The following SYT12 variants were observed in gnomAD, a reference collection of about 807,000 sequenced individuals.
The protein encoded by SYT12 is synaptotagmin 12, also known as synaptotagmin-12.
In SYT12, 27 loss-of-function variants were observed where a neutral mutation model predicts 39.5. That is an observed-to-expected ratio of 0.68 (90% confidence interval 0.50 to 0.94). The LOEUF (loss-of-function observed/expected upper bound fraction) is 0.94. SYT12 is among the 40% of genes least tolerant of loss of function. The probability of loss-of-function intolerance (pLI) is 0.00; values close to 1 mark genes in which losing one functional copy is unlikely to be tolerated. For missense variants in SYT12, 536 were observed against 572.6 expected, an observed-to-expected ratio of 0.94 and a Z score of 0.65; for synonymous variants, 233 against 239.7, an observed-to-expected ratio of 0.97 and a Z score of 0.26.
At chr11:67,035,796 TCC>T (rs1565337216) in intron 3 of SYT12, among the ~76,000 whole-genome samples, 1,705 of 47,320 alleles carry the variant, frequency 0.036, 96 homozygotes, top group African/African-American at 0.12. Context: ...TTTCTTTCCT[TCC>T]TTCCTTCCTT....
At chr11:67,011,389 C>T (rs949518108) in intron 3 of SYT12, among the ~76,000 whole-genome samples, 3 of 152,012 alleles carry the variant, frequency 2.0e-5, no homozygotes, top group African/African-American at 4.8e-5. Flanking sequence ...ATTACAGGCG[C>T]GTGCCACCAT....
intron 3 of SYT12, among the ~76,000 whole-genome samples, chr11:67,015,992 A>T (rs1247782603): frequency 6.6e-6 from 1 of 152,090 alleles, no homozygotes; most frequent in Admixed American, 6.6e-5. Flanking sequence ...CGAAAAGATG[A>T]TGGGAGGGCC....
intron 3 of SYT12, among the ~76,000 whole-genome samples, chr11:67,036,860 G>A (rs1400260110): frequency 1.3e-5 from 2 of 152,122 alleles, no homozygotes; most frequent in African/African-American, 2.4e-5. Flanking sequence ...GATCACCTGA[G>A]GTCGTGAGTT....
At chr11:67,017,423 G>A (rs1197444083) in intron 3 of SYT12, among the ~76,000 whole-genome samples, 8 of 150,994 alleles carry the variant, frequency 5.3e-5, no homozygotes, top group East Asian at 2.0e-4. Flanking sequence ...GCAGTAGTGC[G>A]AACTAGGCTC....
chr11:67,025,267 C>A (rs570727698), intron 1 of SYT12, among the ~76,000 whole-genome samples: 2 of 152,342 alleles, frequency 1.3e-5, no homozygotes, highest in Non-Finnish European at 2.9e-5. Flanking sequence ...CATGTTATGT[C>A]CACATGCATG....
At chr11:67,038,064 G>T (rs1950418008) in intron 3 of SYT12, among the ~76,000 whole-genome samples, 1 of 151,184 alleles carries the variant, frequency 6.6e-6, no homozygotes. Context: ...AAAAATTATG[G>T]TAATGAAGGC....
rs370502227 is a variant in SYT12 at position 67,034,767 on chromosome 11, C to G, written c.157C>G (p.Pro53Ala). ...WTSGSFPSPS[P>A]FPNYDYRYLQ... Reference sequence around the variant, plus strand: ...GTCGGGGAGCTTCCCCAGCCCCTCTCCGTTCCCCAATTACGACTACAGGTA... The same window carrying G: ...GTCGGGGAGCTTCCCCAGCCCCTCTGCGTTCCCCAATTACGACTACAGGTA... The change falls in exon 3 of 8, where the codon CCG becomes GCG. Residue 53 changes from proline (P) to alanine (A), a missense_variant. Transcript: ENST00000527043. The G allele has an allele frequency of 5.6e-6, 9 of 1,603,216 alleles. No homozygotes were observed. The highest frequency in any genetic ancestry group is 6.8e-6 in the Non-Finnish European group (8 of 1,176,256).
rs2136212166 is a variant in SYT12, at chr11:67,031,431, C to T, written c.34+1253C>T. 2 of 152,436 alleles carry T rather than the reference C, an allele frequency of 1.3e-5. 1 individual carries two copies. Among genetic ancestry groups the T allele is most frequent in the Middle Eastern group, 6.8e-3 (2 of 296 alleles). The allele number at this position is 152,436 out of a possible 1,614,324, so 9.4% of individuals were successfully genotyped here. A position where few individuals can be genotyped will look rare whatever the true frequency, so the allele number is the denominator to read the frequency against. On this transcript the variant is annotated intron_variant, in intron 2 of 7. Coordinates refer to ENST00000527043, the MANE Select transcript of SYT12 (RefSeq NM_177963.4). ...CTGGAGGCAGATCTCTCCTCCGTCC[C>T]TCAGCTTCCTCATCTGTAAAATGGG...
intron 1 of SYT12, 119 bp from the exon 2 acceptor site, chr11:67,030,003 C>T: frequency 1.3e-6 from 1 of 775,586 alleles, no homozygotes; most frequent in East Asian, 2.6e-5. Context: ...TGGTGGCACT[C>T]CCCTTATAGC....
At position 67,048,816 on chromosome 11, in the gene SYT12, T is replaced by A. The variant is rs1029195764; in HGVS notation, c.*59T>A. 1.4e-5 allele frequency: 22 copies of A among 1,548,062 alleles called. No homozygotes were observed. The highest frequency in any genetic ancestry group is 1.8e-5 in the Non-Finnish European group (20 of 1,141,082). On this transcript the variant is annotated 3_prime_UTR_variant, in exon 8 of 8. Coordinates refer to ENST00000527043, the MANE Select transcript of SYT12 (RefSeq NM_177963.4). ...CTGGAGCCCGGTACCCACTCAGCTC[T>A]GTCTGATGCCCTCTCCATAGCCCAG...
upstream of SYT12, among the ~76,000 whole-genome samples, chr11:67,020,864 G>A (rs1349162357): frequency 1.3e-5 from 2 of 152,144 alleles, no homozygotes; most frequent in Non-Finnish European, 2.9e-5. Flanking sequence ...GAGTAGCTGG[G>A]ATTATAGGTG....
chr11:67,043,028 T>G lies in SYT12; in HGVS notation c.622-610T>G, dbSNP rs542991222. On this transcript the variant is annotated intron_variant, in intron 4 of 7. Transcript: ENST00000527043. The stretch of plus-strand genomic sequence containing the variant: ...CCTTTCTTTAAATATCACCAGGCAG[T>G]GACTAAAGCATCCCCCTTATTCCCC... 1.5e-3 allele frequency among the ~76,000 whole-genome samples: 227 copies of G among 152,242 alleles called. 5 individuals carry two copies. In the South Asian group the frequency reaches 0.045, roughly 30 times the overall value.
intron 2 of SYT12, among the ~76,000 whole-genome samples, chr11:67,033,189 C>G (rs1950303066): frequency 6.6e-6 from 1 of 150,946 alleles, no homozygotes; most frequent in Admixed American, 6.6e-5. Context: ...CTTTTTATAC[C>G]CCTCTATTCT....
At chr11:67,020,498 C>T (rs1216659968), upstream of SYT12, among the ~76,000 whole-genome samples, 5 of 152,180 alleles carry the variant, frequency 3.3e-5, no homozygotes. Context: ...CATCAGTGTA[C>T]AATGCCATGA....
In SYT12 at chr11:67,048,934, C is replaced by G. The variant is rs894442828; in HGVS notation, c.*177C>G. ...TTGCAGCAGAGGAGTGGGCGTGGCT[C>G]TGTGTCCAGGGCCCCAGGGTCTGCT... On this transcript the variant is annotated 3_prime_UTR_variant, in exon 8 of 8. Transcript: ENST00000527043. 4.1e-6 allele frequency: 3 copies of G among 726,718 alleles called. No homozygotes were observed. The highest frequency in any genetic ancestry group is 2.8e-5 in the Admixed American group (1 of 35,722). The allele number at this position is 726,718 out of a possible 1,614,324, so 45.0% of individuals were successfully genotyped here.
rs75018337 is a variant in SYT12 at position 67,049,700 on chromosome 11, C to T, written c.*943C>T. 0.05 allele frequency: 7,652 copies of T among 152,340 alleles called. 203 individuals are homozygous for T. The highest frequency in any genetic ancestry group is 0.06 in the Non-Finnish European group (4,118 of 68,160). The allele number at this position is 152,340 out of a possible 1,614,324, so 9.4% of individuals were successfully genotyped here. A position where few individuals can be genotyped will look rare whatever the true frequency, so the allele number is the denominator to read the frequency against. ...ACAGCAGAGGTCTTGGTGGGCTGCA[C>T]GTGCCTGCGAAGATGTGGTGGACAA... On this transcript the variant is annotated 3_prime_UTR_variant, in exon 8 of 8. Coordinates refer to ENST00000527043, the MANE Select transcript of SYT12 (RefSeq NM_177963.4).
chr11:67,043,258 C>T (rs1336660540), intron 4 of SYT12, among the ~76,000 whole-genome samples: 1 of 152,166 alleles, frequency 6.6e-6, no homozygotes, highest in African/African-American at 2.4e-5. Flanking sequence ...GTCAGTGGCT[C>T]GTGACTCCAC....
At chr11:67,020,692 C>T (rs1294498749), upstream of SYT12, among the ~76,000 whole-genome samples, 2 of 152,202 alleles carry the variant, frequency 1.3e-5, no homozygotes, top group Non-Finnish European at 2.9e-5. Context: ...GCAGCGTTCT[C>T]TGTGTCCAGC....
intron 3 of SYT12, among the ~76,000 whole-genome samples, chr11:67,035,461 T>A (rs988936572): frequency 3.3e-4 from 48 of 143,696 alleles, no homozygotes; most frequent in Non-Finnish European, 6.0e-4. Flanking sequence ...TTCTTTTCTT[T>A]TTTTTTTTTT....
Sources: allele counts gnomAD v4.1 joint callset (sites outside exome capture counted in the v4.1 genomes callset), GRCh38; gene constraint gnomAD v4.1.1; transcripts MANE v1.5; gene names NCBI Gene and HGNC (gene_info 2026-07-23, HGNC 2026-07-21).